PAPLN: variants seen among roughly 807,000 people sequenced by gnomAD.
PAPLN encodes papilin.
A neutral mutation model predicts 159.0 loss-of-function variants in PAPLN; 146 were observed. That is an observed-to-expected ratio of 0.92 (90% CI 0.80 to 1.05). The LOEUF is 1.05. PAPLN is among the 50% of genes least tolerant of loss of function. The probability of loss-of-function intolerance (pLI) is 0.00; values close to 1 mark genes in which losing one functional copy is unlikely to be tolerated. For missense variants in PAPLN, 1,720 were observed against 1,743.9 expected (o/e 0.99, Z 0.24); for synonymous variants, 734 against 702.9 (o/e 1.04, Z -0.70).
intron 5 of PAPLN, 22 bp downstream of exon 5, chr14:73,246,197 T>C: frequency 1.3e-6 from 2 of 1,552,754 alleles, no homozygotes; most frequent in South Asian, 2.4e-5. Context: ...CGGGACTCGC[T>C]CTCTCGGGGC....
rs1887050545 is a variant in PAPLN, at chr14:73,264,793, T to A, written c.3125+67T>A. 13 of 1,598,758 alleles carry A rather than the reference T, an allele frequency of 8.1e-6. No homozygotes were observed. The South Asian group carries it at 1.4e-4, about 17-fold the overall frequency. On this transcript the variant is annotated intron_variant, in intron 22 of 26. Coordinates refer to ENST00000644200, the MANE Select transcript of PAPLN (RefSeq NM_001365906.3). ...GGCCAGGGCCGGGGGTCTCAGTGGATAAGGAGGGGAACGTCTGCTGTGACC... is the reference window on the plus strand; with the variant it reads ...GGCCAGGGCCGGGGGTCTCAGTGGAAAAGGAGGGGAACGTCTGCTGTGACC...
intron 5 of PAPLN, 59 bp from the exon 6 acceptor site, chr14:73,249,925 T>A (rs2293793): frequency 1.8e-5 from 28 of 1,529,220 alleles, no homozygotes; most frequent in Non-Finnish European, 2.3e-5. Context: ...AAGCCTTGGG[T>A]CTTGGGGAGG....
chr14:73,252,862 A>G, intron 11 of PAPLN, 87 bp downstream of exon 11: 1 of 1,562,008 alleles, frequency 6.4e-7, no homozygotes, highest in Non-Finnish European at 8.6e-7. Flanking sequence ...CTTTAGGTGT[A>G]GAACAAAGAG....
At chr14:73,263,580 T>C (rs1886825928) in intron 19 of PAPLN, 65 bp from the exon 20 acceptor site, 2 of 1,602,678 alleles carry the variant, frequency 1.2e-6, no homozygotes, top group Non-Finnish European at 8.5e-7. Context: ...TGGAACACAC[T>C]GCTTAGGGTG....
Position 73,252,594 on chromosome 14 carries a change from C to T in PAPLN, c.968-55C>T, listed in dbSNP as rs1424880518. 3.3e-5 allele frequency: 52 copies of T among 1,584,952 alleles called. No homozygotes were observed. The Middle Eastern group carries it at 5.1e-4, about 15-fold the overall frequency. The stretch of plus-strand genomic sequence containing the variant: ...GCAGGATGGCGCCTGGCCCAGGGAA[C>T]GCGCTTGGTGAATGTTGACTGGCGT... On this transcript the variant is annotated intron_variant, in intron 10 of 26. Transcript: ENST00000644200.
chr14:73,260,696 GA>G lies in PAPLN; in HGVS notation c.1986-12del. The G allele has an allele frequency of 6.9e-7, 1 of 1,450,836 alleles. No individual in the cohort carries two copies. Among genetic ancestry groups the G allele is most frequent in the Admixed American group, 2.7e-5 (1 of 37,578 alleles). 89.9% of individuals were successfully genotyped at this position (1,450,836 alleles called of 1,614,324 possible). Reference sequence around the variant, plus strand: ...CAGGCTGGGCAGTGAGGGGCTGTGTGATGTCTGCCTAGGTACGGGTGCTGCC... The same window carrying G: ...CAGGCTGGGCAGTGAGGGGCTGTGTGTGTCTGCCTAGGTACGGGTGCTGCC... On this transcript the variant is annotated splice_polypyrimidine_tract_variant and intron_variant, in intron 16 of 26. Transcript: ENST00000644200.
At position 73,262,788 on chromosome 14, in the gene PAPLN, C is replaced by A; in HGVS notation, c.2684C>A (p.Ala895Asp). The A allele has an allele frequency of 1.3e-6, 2 of 1,499,330 alleles. No individual in the cohort carries two copies. Among genetic ancestry groups the A allele is most frequent in the South Asian group, 1.4e-5 (1 of 70,436 alleles). The allele number at this position is 1,499,330 out of a possible 1,614,324, so 92.9% of individuals were successfully genotyped here. ...AGGGCCCCTGGACTGGGTGGAGATGCCGGATCACCAGCGCCACCCTTCCAC... is the reference window on the plus strand; with the variant it reads ...AGGGCCCCTGGACTGGGTGGAGATGACGGATCACCAGCGCCACCCTTCCAC... ...GSRAPGLGGD[A>D]GSPAPPFHSS... is the part of the protein sequence containing the mutation. The change falls in exon 19 of 27, where the codon GCC (alanine) becomes GAC (aspartate). Residue 895 changes from alanine to aspartate, a missense_variant. Physicochemically the swap from Ala to Asp is moderately radical, Grantham distance 126 (BLOSUM62 -2). Coordinates refer to ENST00000644200, the MANE Select transcript of PAPLN (RefSeq NM_001365906.3).
Position 73,239,743 on chromosome 14 carries a change from G to C in PAPLN, c.-6-30G>C, listed in dbSNP as rs890314138. ...GCCCAGGACAGCTGCGGGAGCCCCG[G>C]GCCGCTCTAACCCAATGCGTCTCCC... On this transcript the variant is annotated intron_variant, in intron 1 of 26. Coordinates refer to ENST00000644200, the MANE Select transcript of PAPLN (RefSeq NM_001365906.3). 4.5e-6 allele frequency: 7 copies of C among 1,553,550 alleles called. No homozygotes were observed. The Admixed American group carries it at 5.6e-5, about 12-fold the overall frequency.
At chr14:73,255,774 A>G (rs778337381) in intron 14 of PAPLN, among the ~76,000 whole-genome samples, 3 of 152,196 alleles carry the variant, frequency 2.0e-5, no homozygotes, top group Non-Finnish European at 2.9e-5. Context: ...GAAGGAAGGC[A>G]GAATTTCTAT....
intron 26 of PAPLN, among the ~76,000 whole-genome samples, chr14:73,271,526 G>A (rs919789540): frequency 6.7e-6 from 1 of 149,794 alleles, no homozygotes; most frequent in African/African-American, 2.5e-5. Flanking sequence ...TTTTAAGACA[G>A]AATCTTGCTC....
At position 73,255,017 on chromosome 14, in the gene PAPLN, G is replaced by A. The variant is rs555667955; in HGVS notation, c.1626G>A (p.Gln542=). The change falls in exon 14 of 27, where the codon CAG becomes CAA. Residue 542 remains glutamine, a splice_region_variant and synonymous_variant. Coordinates refer to ENST00000644200, the MANE Select transcript of PAPLN (RefSeq NM_001365906.3). ...PCNTQPCHLP[Q]EVPSMQDVHT... ...ACACGCAGCCCTGTCATCTCCCCCAGGGTAAGGACAGGAGGGCAGGGAGGA... is the reference window on the plus strand; with the variant it reads ...ACACGCAGCCCTGTCATCTCCCCCAAGGTAAGGACAGGAGGGCAGGGAGGA... 2.5e-4 allele frequency: 407 copies of A among 1,612,354 alleles called. 2 individuals carry two copies. In the East Asian group the frequency reaches 8.9e-3, roughly 35 times the overall value.
Position 73,239,494 on chromosome 14 carries a change from GCTCT to G in PAPLN, c.-6-274_-6-271del, listed in dbSNP as rs1280384947. On this transcript the variant is annotated intron_variant, in intron 1 of 26. Coordinates refer to ENST00000644200, the MANE Select transcript of PAPLN (RefSeq NM_001365906.3). ...CAACCACATAGAAGTATTTTTAATT[GCTCT>G]CTCTTTTTTTCCCCTCTGGAACTCT... The G allele has an allele frequency of 8.8e-6, 4 of 452,802 alleles. No individual in the cohort carries two copies. The South Asian group carries it at 1.3e-4, about 14-fold the overall frequency. 28.0% of individuals were successfully genotyped at this position (452,802 alleles called of 1,614,324 possible).
In PAPLN at chr14:73,255,614, G is replaced by A. The variant is rs1409875025; in HGVS notation, c.1627+596G>A. ...AAAGGGCACTGAGGCCAGTGTTTGC[G>A]TGGTGTGAGGATGCCACATTGAGGA... On this transcript the variant is annotated intron_variant, in intron 14 of 26. Transcript: ENST00000644200. 3.3e-5 allele frequency among the ~76,000 whole-genome samples: 5 copies of A among 151,952 alleles called. No homozygotes were observed. The East Asian group carries it at 5.8e-4, about 18-fold the overall frequency.
Position 73,263,929 on chromosome 14 carries a change from C to T in PAPLN, c.2861+147C>T, listed in dbSNP as rs923308219. 3.4e-6 allele frequency: 4 copies of T among 1,169,624 alleles called. No individual in the cohort carries two copies. In the African/African-American group the frequency reaches 4.9e-5, roughly 14 times the overall value. The allele number at this position is 1,169,624 out of a possible 1,614,324, so 72.5% of individuals were successfully genotyped here. Reference sequence around the variant, plus strand: ...ACAGGTGTGTGTGACAGCCCCCCTACCCCCTCTGACAGGTGTGTGTGACGG... The same window carrying T: ...ACAGGTGTGTGTGACAGCCCCCCTATCCCCTCTGACAGGTGTGTGTGACGG... On this transcript the variant is annotated intron_variant, in intron 20 of 26. Transcript: ENST00000644200.
At chr14:73,252,214 C>G in intron 10 of PAPLN, 73 bp downstream of exon 10, 1 of 1,491,966 alleles carries the variant, frequency 6.7e-7, no homozygotes, top group South Asian at 1.3e-5. Flanking sequence ...GTGGGCAAGT[C>G]ACAGCCCTCT....
At position 73,251,045 on chromosome 14, in the gene PAPLN, G is replaced by T. The variant is rs369559834; in HGVS notation, c.589+15G>T. On this transcript the variant is annotated intron_variant, in intron 7 of 26. Transcript: ENST00000644200. ...CCTCAGCCGAGGTGGGGGTGGTTCC[G>T]ACAAGGGGCAGTTGCCTGCCCCCTT... The T allele has an allele frequency of 6.2e-7, 1 of 1,604,424 alleles. No individual in the cohort carries two copies. Among genetic ancestry groups the T allele is most frequent in the South Asian group, 1.1e-5 (1 of 89,670 alleles).
intron 19 of PAPLN, chr14:73,263,036 T>C (rs375489217): frequency 6.7e-6 from 3 of 448,692 alleles, no homozygotes; most frequent in East Asian, 3.4e-5. Context: ...TGATGTCTAA[T>C]AGACATCTGT....
At chr14:73,240,532 TC>T (rs1175209088) in intron 2 of PAPLN, among the ~76,000 whole-genome samples, 3 of 152,140 alleles carry the variant, frequency 2.0e-5, no homozygotes, top group Non-Finnish European at 4.4e-5. Flanking sequence ...AACCTCCACC[TC>T]CTGGGTTCAA....
rs902124463 is a variant in PAPLN, at chr14:73,274,289, G to A, written c.*1625G>A. 1 of 152,196 alleles carries A rather than the reference G, an allele frequency of 6.6e-6. No homozygotes were observed. Among genetic ancestry groups the A allele is most frequent in the Non-Finnish European group, 1.5e-5 (1 of 68,030 alleles). The allele number at this position is 152,196 out of a possible 1,614,324, so 9.4% of individuals were successfully genotyped here. Reference sequence around the variant, plus strand: ...CTAAAAGAAGAGGCATGGATTCTATGAGCTTCCAAGTCCCTTTCCACTTTA... The same window carrying A: ...CTAAAAGAAGAGGCATGGATTCTATAAGCTTCCAAGTCCCTTTCCACTTTA... On this transcript the variant is annotated 3_prime_UTR_variant, in exon 27 of 27. Coordinates refer to ENST00000644200, the MANE Select transcript of PAPLN (RefSeq NM_001365906.3).
Sources: gnomAD v4.1 joint callset for allele counts (sites outside exome capture counted in the v4.1 genomes callset) on GRCh38, gnomAD v4.1.1 for gene constraint, MANE v1.5 for transcripts, NCBI Gene and HGNC (gene_info 2026-07-23, HGNC 2026-07-21) for gene names.